Variants in CEP85 observed in about 807,000 individuals in gnomAD.
CEP85 encodes the protein centrosomal protein 85.
In CEP85, 58 loss-of-function variants were observed where a neutral mutation model predicts 93.7. The observed-to-expected ratio is 0.62, with a 90% confidence interval of 0.50 to 0.77. CEP85 has a LOEUF of 0.77. CEP85 is among the 30% of genes least tolerant of loss of function. The pLI, the probability that CEP85 is intolerant of heterozygous loss-of-function variation, is 0.00. For synonymous variants in CEP85, 314 were observed against 338.6 expected, an observed-to-expected ratio of 0.93 and a Z score of 0.80; for missense variants, 868 against 922.0, an observed-to-expected ratio of 0.94 and a Z score of 0.76.
intron 13 of CEP85, 124 bp from the exon 14 acceptor site, chr1:26,277,012 G>A: frequency 3.7e-6 from 4 of 1,070,048 alleles, no homozygotes; most frequent in Non-Finnish European, 5.5e-6. Flanking sequence ...ACTGTCCCCA[G>A]ATGCTTTTTT....
At chr1:26,270,413 C>A (rs1230178741) in intron 9 of CEP85, among the ~76,000 whole-genome samples, 2 of 152,280 alleles carry the variant, frequency 1.3e-5, no homozygotes, top group South Asian at 2.1e-4. Flanking sequence ...GTCTTGGGAG[C>A]CTTCTCCATA....
intron 7 of CEP85, among the ~76,000 whole-genome samples, chr1:26,264,918 TTC>T (rs2089869993): frequency 6.6e-6 from 1 of 151,808 alleles, no homozygotes; most frequent in Admixed American, 6.6e-5. Flanking sequence ...ATTCAAACTA[TTC>T]TCTCTCATGC....
At chr1:26,276,501 C>G (rs11577536) in intron 12 of CEP85, 34 bp from the exon 13 acceptor site, 98 of 1,535,606 alleles carry the variant, frequency 6.4e-5, no homozygotes, top group Middle Eastern at 5.1e-4. Context: ...CTCCCTGGGC[C>G]TGAGTTAATG....
At chr1:26,257,305 G>A (rs1218467474) in intron 4 of CEP85, among the ~76,000 whole-genome samples, 1 of 152,150 alleles carries the variant, frequency 6.6e-6, no homozygotes, top group Non-Finnish European at 1.5e-5. Context: ...CCCTTCCTTG[G>A]TTGGTGAGGA....
intron 7 of CEP85, among the ~76,000 whole-genome samples, chr1:26,262,239 G>A (rs6658236): frequency 0.53 from 80,808 of 151,816 alleles, 22,801 homozygotes; most frequent in Non-Finnish European, 0.65. Context: ...CACAGGAGGC[G>A]GAGGTTGCAG....
intron 11 of CEP85, among the ~76,000 whole-genome samples, chr1:26,272,689 C>T (rs926647454): frequency 1.5e-5 from 2 of 130,810 alleles, no homozygotes; most frequent in Non-Finnish European, 3.1e-5. Flanking sequence ...AGTGCAATGG[C>T]GCAATCTCGG....
chr1:26,247,881 G>A (rs1190243921), intron 3 of CEP85, among the ~76,000 whole-genome samples: 2 of 152,084 alleles, frequency 1.3e-5, no homozygotes, highest in Non-Finnish European at 2.9e-5. Flanking sequence ...GATGGTTCTT[G>A]AACTTCTGGG....
chr1:26,247,766 C>G (rs1002690580), intron 3 of CEP85, among the ~76,000 whole-genome samples: 2 of 152,126 alleles, frequency 1.3e-5, no homozygotes, highest in Non-Finnish European at 2.9e-5. Flanking sequence ...CTAAGCCTTC[C>G]AAGTAGCTGG....
At chr1:26,234,582 G>A (rs944035023) in intron 1 of CEP85, among the ~76,000 whole-genome samples, 2 of 152,270 alleles carry the variant, frequency 1.3e-5, no homozygotes, top group African/African-American at 4.8e-5. Context: ...GATAGCCAGG[G>A]ACACAGCGAG....
Position 26,263,753 on chromosome 1 carries a change from C to A in CEP85, c.1341+3951C>A, listed in dbSNP as rs1362396746. Among the ~76,000 whole-genome samples the A allele has an allele frequency of 3.3e-5, 5 of 152,066 alleles. No individual in the cohort carries two copies. The South Asian group carries it at 8.3e-4, about 25-fold the overall frequency. On this transcript the variant is annotated intron_variant, in intron 7 of 13. Transcript: ENST00000451429. Reference sequence around the variant, plus strand: ...CACAATTGTGTATCTATCTTGAGCTCTTCTCTTTCACCTGATATATATATA... The same window carrying A: ...CACAATTGTGTATCTATCTTGAGCTATTCTCTTTCACCTGATATATATATA...
chr1:26,250,853 C>T (rs1179165281), intron 3 of CEP85, among the ~76,000 whole-genome samples: 2 of 146,922 alleles, frequency 1.4e-5, no homozygotes, highest in African/African-American at 5.1e-5. Context: ...CTGGCGAAGG[C>T]TTTTGTGCTG....
intron 3 of CEP85, among the ~76,000 whole-genome samples, chr1:26,246,373 T>C (rs957982548): frequency 6.6e-6 from 1 of 152,130 alleles, no homozygotes; most frequent in Non-Finnish European, 1.5e-5. Flanking sequence ...TGAATGAATA[T>C]CCATATAATA....
chr1:26,239,072 G>A (rs1569954441), intron 1 of CEP85, among the ~76,000 whole-genome samples: 1 of 152,048 alleles, frequency 6.6e-6, no homozygotes, highest in Non-Finnish European at 1.5e-5. Context: ...TATCCACCTC[G>A]TCCTGTCATC....
chr1:26,258,127 C>G lies in CEP85; in HGVS notation c.1038-16C>G, dbSNP rs1309080878. The G allele has an allele frequency of 6.2e-7, 1 of 1,600,396 alleles. No homozygotes were observed. Among genetic ancestry groups the G allele is most frequent in the Non-Finnish European group, 8.6e-7 (1 of 1,167,682 alleles). On this transcript the variant is annotated splice_polypyrimidine_tract_variant and intron_variant, in intron 5 of 13. Transcript: ENST00000451429. Reference sequence around the variant, plus strand: ...TTAGCATCAGGACCCTGACCTGATTCTACCGGCTTGTGCAGGCAGAGGAAA... The same window carrying G: ...TTAGCATCAGGACCCTGACCTGATTGTACCGGCTTGTGCAGGCAGAGGAAA...
At chr1:26,273,392 A>G (rs2090006467) in intron 11 of CEP85, among the ~76,000 whole-genome samples, 1 of 152,196 alleles carries the variant, frequency 6.6e-6, no homozygotes, top group Non-Finnish European at 1.5e-5. Flanking sequence ...GGCTACGTCT[A>G]TCTGGTTCAC....
intron 11 of CEP85, among the ~76,000 whole-genome samples, chr1:26,273,885 A>G (rs1362033522): frequency 6.9e-6 from 1 of 145,634 alleles, no homozygotes; most frequent in Non-Finnish European, 1.5e-5. Context: ...TGGGCGACAG[A>G]GTGAAACCCC....
intron 2 of CEP85, among the ~76,000 whole-genome samples, chr1:26,242,160 G>A (rs1569962907): frequency 6.6e-6 from 1 of 152,200 alleles, no homozygotes; most frequent in African/African-American, 2.4e-5. Flanking sequence ...TTAGGGTATG[G>A]AGTAGGTGGA....
intron 6 of CEP85, among the ~76,000 whole-genome samples, chr1:26,258,509 G>C (rs2089755710): frequency 6.6e-6 from 1 of 151,460 alleles, no homozygotes; most frequent in Non-Finnish European, 1.5e-5. Context: ...TAGATAGTAA[G>C]GTCCTAGAGT....
intron 1 of CEP85, among the ~76,000 whole-genome samples, chr1:26,235,681 T>C (rs2089316133): frequency 6.6e-6 from 1 of 151,138 alleles, no homozygotes; most frequent in Non-Finnish European, 1.5e-5. Context: ...CAAGCGATTC[T>C]CCTGCCTCAG....
Sources: allele counts gnomAD v4.1 joint callset (sites outside exome capture counted in the v4.1 genomes callset), GRCh38; gene constraint gnomAD v4.1.1; transcripts MANE v1.5; gene names NCBI Gene and HGNC (gene_info 2026-07-23, HGNC 2026-07-21).